The following WWOX variants were observed in gnomAD, a reference collection of about 807,000 sequenced individuals.
WWOX encodes WW domain containing oxidoreductase.
WWOX carries 69 observed loss-of-function variants against 46.2 expected under a neutral mutation model. The ratio of observed to expected loss-of-function variants is 1.49; its 90% confidence interval spans 1.23 to 1.82. WWOX has a LOEUF of 1.82. Ranked by LOEUF, WWOX falls within the 40% of genes most tolerant of loss-of-function variation. The probability of loss-of-function intolerance (pLI) is 0.00; values close to 1 mark genes in which losing one functional copy is unlikely to be tolerated. For synonymous variants in WWOX, 359 were observed against 202.6 expected, an observed-to-expected ratio of 1.77 and a Z score of -6.56; for missense variants, 919 against 542.6, an observed-to-expected ratio of 1.69 and a Z score of -6.89.
chr16:78,820,196 T>C (rs1482042709), intron 8 of WWOX, among the ~76,000 whole-genome samples: 1 of 152,094 alleles, frequency 6.6e-6, no homozygotes, highest in Non-Finnish European at 1.5e-5. Flanking sequence ...GCCACTGACA[T>C]CTGGGTGTTG....
At chr16:78,300,521 C>G (rs2080021366) in intron 5 of WWOX, among the ~76,000 whole-genome samples, 1 of 151,594 alleles carries the variant, frequency 6.6e-6, no homozygotes, top group Admixed American at 6.6e-5. Flanking sequence ...CCTCTCCCTT[C>G]TCCCCTCTTC....
intron 5 of WWOX, among the ~76,000 whole-genome samples, chr16:78,280,234 G>A (rs2079652147): frequency 6.6e-6 from 1 of 152,104 alleles, no homozygotes; most frequent in Non-Finnish European, 1.5e-5. Flanking sequence ...CCATTGCTGG[G>A]CCTAGAATTG....
At chr16:78,592,871 C>G (rs544444742) in intron 8 of WWOX, among the ~76,000 whole-genome samples, 2 of 152,154 alleles carry the variant, frequency 1.3e-5, no homozygotes, top group Non-Finnish European at 2.9e-5. Context: ...CCAGAATGAC[C>G]AGGCAGCATG....
intron 8 of WWOX, among the ~76,000 whole-genome samples, chr16:78,529,197 C>G (rs72803910): frequency 0.094 from 14,308 of 152,080 alleles, 930 homozygotes; most frequent in South Asian, 0.24. Flanking sequence ...TCAAAGGATC[C>G]TCCCACCTCA....
At chr16:79,050,543 G>A (rs375600024) in intron 8 of WWOX, among the ~76,000 whole-genome samples, 3 of 152,208 alleles carry the variant, frequency 2.0e-5, no homozygotes, top group Non-Finnish European at 4.4e-5. Flanking sequence ...TAGAGAGGGA[G>A]GATACTGCAG....
intron 5 of WWOX, among the ~76,000 whole-genome samples, chr16:78,371,434 CA>C (rs1320379193): frequency 6.6e-6 from 1 of 152,092 alleles, no homozygotes; most frequent in Non-Finnish European, 1.5e-5. Context: ...GAAAAGAATC[CA>C]TATTTTTATG....
intron 7 of WWOX, among the ~76,000 whole-genome samples, chr16:78,428,622 C>T (rs1041988712): frequency 2.0e-5 from 3 of 152,150 alleles, no homozygotes; most frequent in Non-Finnish European, 2.9e-5. Flanking sequence ...ATGACTTTCT[C>T]CTCTTAGACA....
chr16:79,069,431 TTTACATCTC>T (rs1265006047), intron 8 of WWOX, among the ~76,000 whole-genome samples: 1 of 152,178 alleles, frequency 6.6e-6, no homozygotes, highest in Admixed American at 6.5e-5. Context: ...TTTAAAGACC[TTTACATCTC>T]TGTCTTGTTC....
chr16:78,900,900 C>G (rs963744187), intron 8 of WWOX, among the ~76,000 whole-genome samples: 1 of 149,968 alleles, frequency 6.7e-6, no homozygotes, highest in Non-Finnish European at 1.5e-5. Context: ...GGCTACAATA[C>G]AGATTCATCC....
intron 8 of WWOX, among the ~76,000 whole-genome samples, chr16:78,845,125 C>A (rs1280671407): frequency 1.4e-5 from 2 of 140,056 alleles, no homozygotes; most frequent in Non-Finnish European, 3.1e-5. Context: ...CTTTTTTTAT[C>A]TTGCTGTCTT....
At chr16:78,683,785 A>G (rs2047788233) in intron 8 of WWOX, among the ~76,000 whole-genome samples, 1 of 152,168 alleles carries the variant, frequency 6.6e-6, no homozygotes, top group South Asian at 2.1e-4. Context: ...GTCGTGATTT[A>G]GGGCATGAAG....
At position 78,178,333 on chromosome 16, in the gene WWOX, A is replaced by C. The variant is rs1433843735; in HGVS notation, c.516+14044A>C. Among the ~76,000 whole-genome samples the C allele has an allele frequency of 4.6e-5, 7 of 152,206 alleles. No homozygotes were observed. The East Asian group carries it at 1.3e-3, about 29-fold the overall frequency. On this transcript the variant is annotated intron_variant, in intron 5 of 8. Transcript: ENST00000566780. ...TCCCGCAAAAGCTCAGCCAGCCTCT[A>C]GCCCAAAATTGTCTCTGTTTATTGG...
At position 78,164,259 on chromosome 16, in the gene WWOX, T is replaced by C; in HGVS notation, c.486T>C (p.Ser162=). 6.2e-7 allele frequency: 1 copy of C among 1,613,992 alleles called. No homozygotes were observed. The highest frequency in any genetic ancestry group is 1.1e-5 in the South Asian group (1 of 91,036). ...ILACRNMARA[S]EAVSRILEEW... Reference sequence around the variant, plus strand: ...CCTGCAGGAACATGGCAAGGGCGAGTGAAGCAGTGTCACGCATTTTAGAAG... The same window carrying C: ...CCTGCAGGAACATGGCAAGGGCGAGCGAAGCAGTGTCACGCATTTTAGAAG... Residue 162 remains serine (S), a synonymous_variant, in exon 5 of 9, where the codon AGT becomes AGC. Coordinates refer to ENST00000566780, the MANE Select transcript of WWOX (RefSeq NM_016373.4).
chr16:78,379,412 A>C (rs2081903600), intron 5 of WWOX, among the ~76,000 whole-genome samples: 1 of 152,242 alleles, frequency 6.6e-6, no homozygotes, highest in African/African-American at 2.4e-5. Flanking sequence ...AATGGAGGCC[A>C]CGTTCAACAC....
chr16:78,314,188 C>G (rs565868817), intron 5 of WWOX, among the ~76,000 whole-genome samples: 1 of 151,890 alleles, frequency 6.6e-6, no homozygotes, highest in African/African-American at 2.4e-5. Context: ...TGGCAGATCA[C>G]GAGGTCAGGA....
intron 5 of WWOX, among the ~76,000 whole-genome samples, chr16:78,248,292 G>A (rs529169367): frequency 2.3e-4 from 35 of 152,140 alleles, no homozygotes; most frequent in Non-Finnish European, 4.1e-4. Flanking sequence ...AAGAGAGGGA[G>A]CAAGGGGGCA....
At chr16:78,838,661 G>C (rs930172518) in intron 8 of WWOX, among the ~76,000 whole-genome samples, 6 of 152,148 alleles carry the variant, frequency 3.9e-5, no homozygotes, top group Admixed American at 2.6e-4. Flanking sequence ...GACCAATATA[G>C]TGAAACCCCA....
chr16:78,988,654 T>C (rs961345495), intron 8 of WWOX, among the ~76,000 whole-genome samples: 5 of 152,196 alleles, frequency 3.3e-5, no homozygotes, highest in Admixed American at 3.3e-4. Context: ...GTGTTCATAT[T>C]GGTCAACTTT....
At chr16:78,379,932 G>C (rs1242557987) in intron 5 of WWOX, among the ~76,000 whole-genome samples, 3 of 152,222 alleles carry the variant, frequency 2.0e-5, no homozygotes, top group Admixed American at 2.0e-4. Context: ...CGGAAGGATG[G>C]AGAGGAGAAA....
Sources: gnomAD v4.1 joint callset for allele counts (sites outside exome capture counted in the v4.1 genomes callset) on GRCh38, gnomAD v4.1.1 for gene constraint, MANE v1.5 for transcripts, NCBI Gene and HGNC (gene_info 2026-07-23, HGNC 2026-07-21) for gene names.